Variants in KLHL1 observed in about 807,000 individuals in gnomAD.
KLHL1 encodes the protein kelch like family member 1, also known as kelch-like protein 1.
A neutral mutation model predicts 77.7 loss-of-function variants in KLHL1; 47 were observed. That is an observed-to-expected ratio of 0.60 (90% CI 0.48 to 0.77). The LOEUF (loss-of-function observed/expected upper bound fraction) is 0.77, where lower values mean the gene tolerates loss of function less well. Among genes scored for constraint, KLHL1 ranks in the 30% least tolerant of loss-of-function variants. The pLI is 0.00. For synonymous variants in KLHL1, 360 were observed against 325.2 expected, an observed-to-expected ratio of 1.11 and a Z score of -1.15; for missense variants, 925 against 910.8, an observed-to-expected ratio of 1.02 and a Z score of -0.20.
At chr13:70,050,003 A>C (rs1250307766) in intron 1 of KLHL1, among the ~76,000 whole-genome samples, 1 of 151,976 alleles carries the variant, frequency 6.6e-6, no homozygotes, top group Non-Finnish European at 1.5e-5. Context: ...AAAAACAAAA[A>C]ATTAATAATG....
Position 70,061,437 on chromosome 13 carries a change from A to G in KLHL1, c.497+45766T>C, listed in dbSNP as rs1886882496. Among the ~76,000 whole-genome samples, 3 of 151,998 alleles carry G rather than the reference A, an allele frequency of 2.0e-5. No homozygotes were observed. The South Asian group carries it at 6.2e-4, about 32-fold the overall frequency. ...CTGCTTTATTGGAGTCACTTCCAAT[A>G]CATAAACAGTATATTAATCAGCAAT... On this transcript the variant is annotated intron_variant, in intron 1 of 10. Coordinates refer to ENST00000377844, the MANE Select transcript of KLHL1 (RefSeq NM_020866.3).
At chr13:70,069,706 G>A (rs9564644) in intron 1 of KLHL1, among the ~76,000 whole-genome samples, 28,304 of 152,080 alleles carry the variant, frequency 0.19, 2,754 homozygotes, top group Admixed American at 0.26. Context: ...TAGGCTCATC[G>A]GAAGACTGAA....
chr13:69,879,918 T>TA (rs1880921514), intron 5 of KLHL1, among the ~76,000 whole-genome samples: 1 of 152,180 alleles, frequency 6.6e-6, no homozygotes, highest in Non-Finnish European at 1.5e-5. Flanking sequence ...TTAAATGAGA[T>TA]AAAATCGTTT....
At chr13:69,719,344 T>A (rs1056306498) in intron 9 of KLHL1, 25 bp downstream of exon 9, 30 of 1,592,816 alleles carry the variant, frequency 1.9e-5, no homozygotes, top group Non-Finnish European at 2.5e-5. Flanking sequence ...TCTCTTTCGC[T>A]GTAACAGTGT....
At chr13:70,010,802 G>T (rs888237329) in intron 1 of KLHL1, among the ~76,000 whole-genome samples, 28 of 151,860 alleles carry the variant, frequency 1.8e-4, no homozygotes, top group African/African-American at 6.5e-4. Context: ...TGAGGCAGGA[G>T]AATTGCTAGA....
chr13:69,925,892 T>C (rs1882799137), intron 4 of KLHL1, among the ~76,000 whole-genome samples: 1 of 152,214 alleles, frequency 6.6e-6, no homozygotes, highest in African/African-American at 2.4e-5. Flanking sequence ...AGTCATGTTT[T>C]AACTTCTTGA....
intron 1 of KLHL1, among the ~76,000 whole-genome samples, chr13:70,084,210 T>G (rs1164120364): frequency 6.6e-6 from 1 of 152,126 alleles, no homozygotes; most frequent in Non-Finnish European, 1.5e-5. Context: ...CACAGTAAAT[T>G]AATCTGTTGA....
intron 5 of KLHL1, among the ~76,000 whole-genome samples, chr13:69,842,118 CATAA>C (rs1389090648): frequency 2.0e-4 from 30 of 151,718 alleles, no homozygotes; most frequent in Non-Finnish European, 2.1e-4. Context: ...AGAAAGTTCT[CATAA>C]AGAGTGGTCT....
intron 1 of KLHL1, among the ~76,000 whole-genome samples, chr13:69,992,000 A>G (rs184818192): frequency 3.3e-5 from 5 of 152,118 alleles, no homozygotes; most frequent in Non-Finnish European, 7.4e-5. Flanking sequence ...TGAACTTGCT[A>G]GGAATGCAAA....
chr13:70,034,648 G>C (rs557978494), intron 1 of KLHL1, among the ~76,000 whole-genome samples: 1 of 152,280 alleles, frequency 6.6e-6, no homozygotes, highest in African/African-American at 2.4e-5. Context: ...GATATGCAGT[G>C]TATCTATGTG....
At chr13:69,823,302 A>T (rs17085444) in intron 6 of KLHL1, among the ~76,000 whole-genome samples, 6,770 of 152,212 alleles carry the variant, frequency 0.044, 205 homozygotes, top group African/African-American at 0.076. Flanking sequence ...AAACACCAAC[A>T]TTTAAAATAC....
intron 1 of KLHL1, among the ~76,000 whole-genome samples, chr13:69,977,119 G>A (rs1884566995): frequency 6.6e-6 from 1 of 151,964 alleles, no homozygotes; most frequent in South Asian, 2.1e-4. Flanking sequence ...TTCTTATATG[G>A]ACTCTGTGAT....
rs2501235 is a variant in KLHL1, at chr13:69,998,533, G to A, written c.498-22731C>T. Among the ~76,000 whole-genome samples the A allele has an allele frequency of 9.8e-3, 1,497 of 152,148 alleles. 25 individuals carry two copies. The highest frequency in any genetic ancestry group is 0.034 in the African/African-American group (1,410 of 41,518). On this transcript the variant is annotated intron_variant, in intron 1 of 10. Coordinates refer to ENST00000377844, the MANE Select transcript of KLHL1 (RefSeq NM_020866.3). ...CATTACACACAAATTGTATATCTGAGAAAGAGTGAACAGGTCTAGAAGTAA... is the reference window on the plus strand; with the variant it reads ...CATTACACACAAATTGTATATCTGAAAAAGAGTGAACAGGTCTAGAAGTAA...
intron 7 of KLHL1, among the ~76,000 whole-genome samples, chr13:69,759,034 G>C (rs1314529064): frequency 1.3e-5 from 2 of 152,072 alleles, no homozygotes; most frequent in African/African-American, 4.8e-5. Flanking sequence ...TAAGGGCAGG[G>C]ATTGTCTATG....
intron 4 of KLHL1, among the ~76,000 whole-genome samples, chr13:69,939,370 T>TACATAC (rs1304710067): frequency 1.1e-5 from 1 of 89,280 alleles, no homozygotes; most frequent in Non-Finnish European, 2.3e-5. Flanking sequence ...TATATATATA[T>TACATAC]ATATATATAC....
intron 7 of KLHL1, among the ~76,000 whole-genome samples, chr13:69,790,651 TTTTAA>T (rs1371396017): frequency 1.3e-4 from 20 of 152,262 alleles, no homozygotes; most frequent in Admixed American, 7.2e-4. Context: ...CATCTGAAAA[TTTTAA>T]TTTAATATAC....
At chr13:69,807,218 A>C (rs1334387857) in intron 6 of KLHL1, among the ~76,000 whole-genome samples, 1 of 152,010 alleles carries the variant, frequency 6.6e-6, no homozygotes, top group East Asian at 1.9e-4. Context: ...TGCACTCCCC[A>C]TGGCTTCTTG....
At chr13:70,078,014 C>A (rs1887304221) in intron 1 of KLHL1, among the ~76,000 whole-genome samples, 1 of 151,886 alleles carries the variant, frequency 6.6e-6, no homozygotes, top group Admixed American at 6.6e-5. Context: ...GGAAAATATT[C>A]TATTAACCTG....
intron 1 of KLHL1, among the ~76,000 whole-genome samples, chr13:70,031,652 G>T (rs1886104820): frequency 6.6e-6 from 1 of 152,112 alleles, no homozygotes; most frequent in Non-Finnish European, 1.5e-5. Context: ...TCCTGAGCAG[G>T]ATGGGGGTAA....
Sources: allele counts gnomAD v4.1 joint callset (sites outside exome capture counted in the v4.1 genomes callset), GRCh38; gene constraint gnomAD v4.1.1; transcripts MANE v1.5; gene names NCBI Gene and HGNC (gene_info 2026-07-23, HGNC 2026-07-21).